Variants in TAS1R1 observed in about 807,000 individuals in gnomAD.
TAS1R1 encodes taste receptor type 1 member 1.
A neutral mutation model predicts 45.8 loss-of-function variants in TAS1R1; 31 were observed. The observed-to-expected ratio is 0.68, with a 90% confidence interval of 0.51 to 0.91. The LOEUF (loss-of-function observed/expected upper bound fraction) is 0.91. TAS1R1 is among the 40% of genes least tolerant of loss of function. The pLI is 0.00. For synonymous variants in TAS1R1, 437 were observed against 448.4 expected (o/e 0.97, Z 0.32); for missense variants, 1,051 against 1,063.9 (o/e 0.99, Z 0.17).
At position 6,572,165 on chromosome 1, in the gene TAS1R1, C is replaced by A. The variant is rs1239912634; in HGVS notation, c.498+950C>A. On this transcript the variant is annotated intron_variant, in intron 2 of 5. Coordinates refer to ENST00000333172, the MANE Select transcript of TAS1R1 (RefSeq NM_138697.4). The stretch of plus-strand genomic sequence containing the variant: ...TCCCTGCCCTCATTGACCCTCAGCC[C>A]GATTCTGTCCCCACCACTCTTGCTT... 3.9e-5 allele frequency among the ~76,000 whole-genome samples: 6 copies of A among 152,160 alleles called. No individual in the cohort carries two copies. In the South Asian group the frequency reaches 8.3e-4, roughly 21 times the overall value.
chr1:6,576,081 C>T (rs1305845359), intron 3 of TAS1R1, among the ~76,000 whole-genome samples: 5 of 152,210 alleles, frequency 3.3e-5, no homozygotes, highest in African/African-American at 1.2e-4. Context: ...CCTCCTGCTT[C>T]GGCCTCCCAA....
At chr1:6,558,516 TCC>T (rs1639725169) in intron 1 of TAS1R1, among the ~76,000 whole-genome samples, 1 of 152,034 alleles carries the variant, frequency 6.6e-6, no homozygotes, top group South Asian at 2.1e-4. Context: ...GGTTGGGAGT[TCC>T]AGACCAGCCT....
chr1:6,578,673 T>C lies in TAS1R1; in HGVS notation c.1615T>C (p.Cys539Arg), dbSNP rs1640260415. 1 of 1,586,566 alleles carries C rather than the reference T, an allele frequency of 6.3e-7. No individual in the cohort carries two copies. Among genetic ancestry groups the C allele is most frequent in the Non-Finnish European group, 8.6e-7 (1 of 1,163,862 alleles). ...NKSDLYRCQPCGKEEWAPEGS... is the reference protein window; with the variant it reads ...NKSDLYRCQPRGKEEWAPEGS... The stretch of plus-strand genomic sequence containing the variant: ...TTCAGACCTCTACAGATGCCAGCCT[T>C]GTGGGAAAGAAGAGTGGGCACCTGA... Residue 539 changes from cysteine (C) to arginine (R), a missense_variant, in exon 6 of 6, where the codon TGT (cysteine) becomes CGT (arginine). Cys to Arg is a radical substitution (Grantham distance 180, BLOSUM62 -3). Coordinates refer to ENST00000333172, the MANE Select transcript of TAS1R1 (RefSeq NM_138697.4).
chr1:6,558,452 G>T (rs1486520719), intron 1 of TAS1R1, among the ~76,000 whole-genome samples: 1 of 152,136 alleles, frequency 6.6e-6, no homozygotes, highest in African/African-American at 2.4e-5. Flanking sequence ...GAACGTGGTG[G>T]TTCATGCCTG....
Position 6,575,044 on chromosome 1 carries a change from C to T in TAS1R1, c.912C>T (p.Ala304=), listed in dbSNP as rs548259926. ...TGTGGGTCGCCTCAGAAGCCTGGGC[C>T]CTCTCCAGGCACATCACTGGGGTGC... is the stretch of plus-strand genomic sequence containing the variant. ...GKVWVASEAW[A]LSRHITGVPG... Residue 304 remains alanine, a synonymous_variant, in exon 3 of 6, where the codon GCC becomes GCT. Transcript: ENST00000333172. 4.4e-6 allele frequency: 7 copies of T among 1,585,660 alleles called. 1 individual carries two copies. In the East Asian group the frequency reaches 1.1e-4, roughly 25 times the overall value.
chr1:6,557,443 T>G (rs1639705418), intron 1 of TAS1R1, among the ~76,000 whole-genome samples: 3 of 152,188 alleles, frequency 2.0e-5, no homozygotes, highest in Admixed American at 1.3e-4. Flanking sequence ...TTTGTTTATT[T>G]ATAGAGATGA....
chr1:6,561,714 CA>C (rs33969940), intron 1 of TAS1R1, among the ~76,000 whole-genome samples: 2,440 of 137,726 alleles, frequency 0.018, 63 homozygotes, highest in African/African-American at 0.062. Flanking sequence ...GTTTCCGTCT[CA>C]AAAAAAAAAA....
At chr1:6,566,174 G>T (rs951931730) in intron 1 of TAS1R1, among the ~76,000 whole-genome samples, 6 of 152,200 alleles carry the variant, frequency 3.9e-5, no homozygotes, top group Non-Finnish European at 7.3e-5. Context: ...GCTATGACTT[G>T]CCCAAAGAAA....
rs75767874 is a variant in TAS1R1, at chr1:6,576,919, C to T, written c.1474-31C>T. The T allele has an allele frequency of 1.7e-4, 271 of 1,614,182 alleles. 3 individuals carry two copies. In the East Asian group the frequency reaches 6.0e-3, roughly 36 times the overall value. On this transcript the variant is annotated intron_variant, in intron 4 of 5. Transcript: ENST00000333172. ...ATGTGAGCTGTCCTTTGACTTGGGCCCCTACGTGTGGCCCCTCTGGCTTCT... is the reference window on the plus strand; with the variant it reads ...ATGTGAGCTGTCCTTTGACTTGGGCTCCTACGTGTGGCCCCTCTGGCTTCT...
intron 1 of TAS1R1, among the ~76,000 whole-genome samples, chr1:6,556,832 A>C (rs1237610280): frequency 6.6e-6 from 1 of 151,036 alleles, no homozygotes; most frequent in Non-Finnish European, 1.5e-5. Flanking sequence ...AACATAGTGA[A>C]ACCCTGTCTC....
Position 6,576,503 on chromosome 1 carries a change from A to G in TAS1R1, c.1349A>G (p.Asn450Ser). Residue 450 changes from asparagine to serine, a missense_variant, in exon 4 of 6, where the codon AAC (asparagine) becomes AGC (serine). Transcript: ENST00000333172. ...NDNRDPLSSY[N>S]IIAWDWNGPK... ...AACAGAGATCCCCTCAGTAGCTATA[A>G]CATAATTGCCTGGGACTGGAATGGA... 6.2e-7 allele frequency: 1 copy of G among 1,614,234 alleles called. No homozygotes were observed.
chr1:6,577,660 A>G (rs1326372241), intron 5 of TAS1R1, among the ~76,000 whole-genome samples: 1 of 151,216 alleles, frequency 6.6e-6, no homozygotes, highest in Non-Finnish European at 1.5e-5. Flanking sequence ...CCCCATCTCT[A>G]CTAAAAATAC....
At chr1:6,561,295 C>T (rs945783109) in intron 1 of TAS1R1, among the ~76,000 whole-genome samples, 8 of 152,208 alleles carry the variant, frequency 5.3e-5, no homozygotes, top group African/African-American at 1.7e-4. Context: ...GGCAGCATCT[C>T]GTACTAGTCC....
Position 6,570,024 on chromosome 1 carries a change from G to GAGAGA in TAS1R1, c.192-885_192-884insAGAGA, listed in dbSNP as rs1553186697. Among the ~76,000 whole-genome samples the GAGAGA allele has an allele frequency of 5.4e-3, 174 of 32,432 alleles. 3 individuals are homozygous for GAGAGA. Among genetic ancestry groups the GAGAGA allele is most frequent in the African/African-American group, 9.0e-3 (154 of 17,120 alleles). The allele number at this position is 32,432 out of a possible 152,430, so 21.3% of individuals were successfully genotyped here. On this transcript the variant is annotated intron_variant, in intron 1 of 5. Coordinates refer to ENST00000333172, the MANE Select transcript of TAS1R1 (RefSeq NM_138697.4). The stretch of plus-strand genomic sequence containing the variant: ...GGAGGAGAGAGGGAGGGAGGGAGGG[G>GAGAGA]GAGAGAGAGAGAGAGAGAGAGAGAG...
In TAS1R1 at chr1:6,578,745, C is replaced by A; in HGVS notation, c.1687C>A (p.Arg563Ser). ...GCGCACTGTGGTGTTTTTGGCTTTG[C>A]GTGAGCACACCTCTTGGGTGCTGCT... is the stretch of plus-strand genomic sequence containing the variant. ...FPRTVVFLAL[R>S]EHTSWVLLAA... The change falls in exon 6 of 6, where the codon CGT becomes AGT. Residue 563 changes from arginine to serine, a missense_variant. Transcript: ENST00000333172. 6.2e-7 allele frequency: 1 copy of A among 1,613,872 alleles called. No homozygotes were observed. Among genetic ancestry groups the A allele is most frequent in the Non-Finnish European group, 8.5e-7 (1 of 1,179,872 alleles).
chr1:6,570,913 T>G lies in TAS1R1; in HGVS notation c.196T>G (p.Cys66Gly), dbSNP rs1639992821. 6.3e-7 allele frequency: 1 copy of G among 1,597,302 alleles called. No individual in the cohort carries two copies. Reference sequence around the variant, plus strand: ...TCTTACTGGCTTTCTCCACAGGTCTTGTAGCTTCAATGAGCATGGCTACCA... The same window carrying G: ...TCTTACTGGCTTTCTCCACAGGTCTGGTAGCTTCAATGAGCATGGCTACCA... Reference protein sequence around the residue: ...RPEVTLCDRSCSFNEHGYHLF... With the variant: ...RPEVTLCDRSGSFNEHGYHLF... Residue 66 changes from cysteine (C) to glycine (G), a missense_variant, in exon 2 of 6, where the codon TGT becomes GGT. Physicochemically the swap from Cys to Gly is radical, Grantham distance 159. Transcript: ENST00000333172.
chr1:6,576,612 C>T lies in TAS1R1; in HGVS notation c.1458C>T (p.His486=), dbSNP rs759197706. The part of the protein sequence containing the change: ...LNINETKIQW[H]GKDNQVPKSV... ...TAAATGAGACCAAAATCCAGTGGCA[C>T]GGAAAGGACAACCAGGTAATGGGGA... is the stretch of plus-strand genomic sequence containing the variant. Residue 486 remains histidine (H), a synonymous_variant, in exon 4 of 6, where the codon CAC becomes CAT. Coordinates refer to ENST00000333172, the MANE Select transcript of TAS1R1 (RefSeq NM_138697.4). The T allele has an allele frequency of 1.7e-4, 272 of 1,613,446 alleles. No homozygotes were observed. The highest frequency in any genetic ancestry group is 2.2e-4 in the Non-Finnish European group (262 of 1,179,650).
rs1445066505 is a variant in TAS1R1 at position 6,571,065 on chromosome 1, G to A, written c.348G>A (p.Leu116=). ...ACTCTGCCAATGTGTATGCCACGCT[G>A]AGAGTGCTCTCCCTGCCAGGGCAAC... ...CSDSANVYAT[L]RVLSLPGQHH... is the part of the protein sequence containing the mutation. The change falls in exon 2 of 6, where the codon CTG becomes CTA. Residue 116 remains leucine, a synonymous_variant. Transcript: ENST00000333172. 1 of 1,614,180 alleles carries A rather than the reference G, an allele frequency of 6.2e-7. No homozygotes were observed. The highest frequency in any genetic ancestry group is 8.5e-7 in the Non-Finnish European group (1 of 1,180,032).
chr1:6,577,115 G>A, intron 5 of TAS1R1, 45 bp downstream of exon 5: 1 of 1,610,956 alleles, frequency 6.2e-7, no homozygotes, highest in Non-Finnish European at 8.5e-7. Flanking sequence ...ACTCCCGGGG[G>A]CTGCACGGTG....
Sources: allele counts gnomAD v4.1 joint callset (sites outside exome capture counted in the v4.1 genomes callset), GRCh38; gene constraint gnomAD v4.1.1; transcripts MANE v1.5; gene names NCBI Gene and HGNC (gene_info 2026-07-23, HGNC 2026-07-21).